Variants in TNR observed in about 807,000 individuals in gnomAD.
TNR encodes tenascin R.
In TNR, 45 loss-of-function variants were observed where a neutral mutation model predicts 150.4. The ratio of observed to expected loss-of-function variants is 0.30; its 90% CI spans 0.24 to 0.38. The LOEUF (loss-of-function observed/expected upper bound fraction) is 0.38, where lower values mean the gene tolerates loss of function less well. Ranked by LOEUF, TNR falls within the 10% of genes least tolerant of loss-of-function variation. TNR has a pLI of 1.00. For synonymous variants in TNR, 687 were observed against 678.4 expected, an observed-to-expected ratio of 1.01 and a Z score of -0.20; for missense variants, 1,544 against 1,759.1, an observed-to-expected ratio of 0.88 and a Z score of 2.19.
At chr1:175,415,610 G>T (rs146811536) in intron 2 of TNR, among the ~76,000 whole-genome samples, 2 of 152,336 alleles carry the variant, frequency 1.3e-5, no homozygotes, top group Admixed American at 1.3e-4. Flanking sequence ...CAGCACATGC[G>T]GTCAGCCCAG....
At chr1:175,719,473 T>C (rs1483561675) in intron 1 of TNR, among the ~76,000 whole-genome samples, 1 of 152,204 alleles carries the variant, frequency 6.6e-6, no homozygotes, top group Non-Finnish European at 1.5e-5. Context: ...GCTGTGAGGA[T>C]GTAGGCAGGT....
intron 1 of TNR, among the ~76,000 whole-genome samples, chr1:175,638,626 G>A (rs1308711727): frequency 6.6e-6 from 1 of 152,130 alleles, no homozygotes; most frequent in African/African-American, 2.4e-5. Flanking sequence ...AATCCTGGGG[G>A]AATGGAAAGT....
chr1:175,436,848 G>T (rs904428290), intron 2 of TNR, among the ~76,000 whole-genome samples: 1 of 152,138 alleles, frequency 6.6e-6, no homozygotes, highest in African/African-American at 2.4e-5. Flanking sequence ...AAATATATAT[G>T]CACCCAATAC....
intron 1 of TNR, among the ~76,000 whole-genome samples, chr1:175,656,141 A>AGTGTGTGTGTGTGTGT (rs575020723): frequency 3.1e-4 from 39 of 123,934 alleles, no homozygotes; most frequent in African/African-American, 1.2e-3. Context: ...GGAAGGTTGA[A>AGTGTGTGTGTGTGTGT]GTGTGTGTGT....
chr1:175,628,737 C>T (rs2101871298), intron 1 of TNR, among the ~76,000 whole-genome samples: 1 of 152,166 alleles, frequency 6.6e-6, no homozygotes, highest in Admixed American at 6.5e-5. Context: ...CAAACTTCCT[C>T]TACAGCACTT....
chr1:175,621,840 G>A (rs556834454), intron 1 of TNR, among the ~76,000 whole-genome samples: 4 of 152,258 alleles, frequency 2.6e-5, no homozygotes, highest in Admixed American at 2.6e-4. Context: ...TTGATTATAA[G>A]CACCATAGAG....
chr1:175,323,620 C>A, intron 22 of TNR, 144 bp from the exon 23 acceptor site: 1 of 1,192,348 alleles, frequency 8.4e-7, no homozygotes, highest in Non-Finnish European at 1.2e-6. Flanking sequence ...GCCGAGTTCC[C>A]AATAAAGTGA....
intron 1 of TNR, among the ~76,000 whole-genome samples, chr1:175,663,475 G>A (rs1665440075): frequency 6.6e-6 from 1 of 152,208 alleles, no homozygotes; most frequent in East Asian, 1.9e-4. Flanking sequence ...AGTAGAGGAT[G>A]GGGATAAATG....
At position 175,695,327 on chromosome 1, in the gene TNR, T is replaced by G. The variant is rs1310728146; in HGVS notation, c.-165+47899A>C. On this transcript the variant is annotated intron_variant, in intron 1 of 22. Transcript: ENST00000367674. ...GAGATCCTGTACACAGATTCTGTGGTCCCAAACAAGCCTGCGGATTATGGC... is the reference window on the plus strand; with the variant it reads ...GAGATCCTGTACACAGATTCTGTGGGCCCAAACAAGCCTGCGGATTATGGC... Among the ~76,000 whole-genome samples the G allele has an allele frequency of 2.0e-5, 3 of 152,176 alleles. No homozygotes were observed. In the East Asian group the frequency reaches 5.8e-4, roughly 29 times the overall value.
At chr1:175,452,584 T>A (rs1656376048) in intron 2 of TNR, among the ~76,000 whole-genome samples, 1 of 152,152 alleles carries the variant, frequency 6.6e-6, no homozygotes, top group South Asian at 2.1e-4. Context: ...GGGCAGAGGC[T>A]CACATGGCTG....
intron 1 of TNR, among the ~76,000 whole-genome samples, chr1:175,552,748 A>G (rs1228006934): frequency 1.3e-5 from 2 of 152,150 alleles, no homozygotes; most frequent in Non-Finnish European, 2.9e-5. Context: ...CCACCACATC[A>G]ATTCCTAACT....
chr1:175,440,765 C>T (rs936559154), intron 2 of TNR, among the ~76,000 whole-genome samples: 83 of 152,232 alleles, frequency 5.5e-4, no homozygotes, highest in African/African-American at 1.9e-3. Context: ...ATTAGATCCT[C>T]AGTCTGAGGA....
At chr1:175,520,704 C>T (rs1197519750) in intron 2 of TNR, among the ~76,000 whole-genome samples, 1 of 152,078 alleles carries the variant, frequency 6.6e-6, no homozygotes, top group Non-Finnish European at 1.5e-5. Flanking sequence ...CTCTCTCTCC[C>T]TCTCTCCTCC....
At chr1:175,343,635 G>T (rs1157464124) in intron 18 of TNR, among the ~76,000 whole-genome samples, 1 of 152,120 alleles carries the variant, frequency 6.6e-6, no homozygotes, top group Non-Finnish European at 1.5e-5. Context: ...ATAATCATCT[G>T]GCTCTTACCT....
chr1:175,449,960 C>A (rs138006753), intron 2 of TNR, among the ~76,000 whole-genome samples: 1 of 152,160 alleles, frequency 6.6e-6, no homozygotes, highest in East Asian at 1.9e-4. Flanking sequence ...TTTGCTTTTG[C>A]GACACCTGCT....
rs191729199 is a variant in TNR at position 175,741,524 on chromosome 1, T to G, written c.-165+1702A>C. On this transcript the variant is annotated intron_variant, in intron 1 of 22. Transcript: ENST00000367674. ...GATTTCAAGGACAGGAGGTTTGGAA[T>G]GTTAAAATACTGAATGAGTCAGTGT... Among the ~76,000 whole-genome samples, 494 of 152,338 alleles carry G rather than the reference T, an allele frequency of 3.2e-3. 3 individuals are homozygous for G. The highest frequency in any genetic ancestry group is 9.2e-3 in the African/African-American group (383 of 41,582).
At chr1:175,736,038 A>G (rs375018305) in intron 1 of TNR, among the ~76,000 whole-genome samples, 2 of 152,256 alleles carry the variant, frequency 1.3e-5, no homozygotes, top group Non-Finnish European at 2.9e-5. Flanking sequence ...CTTGAGGAGC[A>G]TATAAAATTC....
intron 1 of TNR, among the ~76,000 whole-genome samples, chr1:175,742,260 C>T (rs1571810876): frequency 6.6e-6 from 1 of 152,278 alleles, no homozygotes; most frequent in Admixed American, 6.5e-5. Context: ...GTTTGCAGAG[C>T]CTCTCAGTGC....
chr1:175,669,572 A>G (rs1217063666), intron 1 of TNR, among the ~76,000 whole-genome samples: 1 of 152,196 alleles, frequency 6.6e-6, no homozygotes, highest in Non-Finnish European at 1.5e-5. Flanking sequence ...ACCCAGATGG[A>G]TCATTTCCTA....
Sources: gnomAD v4.1 joint callset for allele counts (sites outside exome capture counted in the v4.1 genomes callset) on GRCh38, gnomAD v4.1.1 for gene constraint, MANE v1.5 for transcripts, NCBI Gene and HGNC (gene_info 2026-07-23, HGNC 2026-07-21) for gene names.